GRM5: variants seen among roughly 807,000 people sequenced by gnomAD.
GRM5 encodes metabotropic glutamate receptor 5.
Under a neutral mutation model 83.1 loss-of-function variants are expected in GRM5, and 19 were observed. The observed-to-expected ratio is 0.23, with a 90% CI of 0.16 to 0.34. GRM5 has a LOEUF of 0.34. Ranked by LOEUF, GRM5 falls within the 10% of genes least tolerant of loss-of-function variation. The pLI is 1.00. For synonymous variants in GRM5, 675 were observed against 633.6 expected, an observed-to-expected ratio of 1.07 and a Z score of -0.98; for missense variants, 1,160 against 1,588.3, an observed-to-expected ratio of 0.73 and a Z score of 4.58.
At chr11:88,619,748 G>T (rs995679947) in intron 4 of GRM5, among the ~76,000 whole-genome samples, 2 of 151,998 alleles carry the variant, frequency 1.3e-5, no homozygotes, top group African/African-American at 4.8e-5. Context: ...TCTTATTCTA[G>T]GTACTAAAAT....
chr11:88,688,968 G>A (rs1940712784), intron 3 of GRM5, among the ~76,000 whole-genome samples: 1 of 151,792 alleles, frequency 6.6e-6, no homozygotes, highest in Admixed American at 6.6e-5. Context: ...AATACTAAAA[G>A]CACCCATATA....
chr11:88,782,600 G>T (rs1006433454), intron 3 of GRM5, among the ~76,000 whole-genome samples: 10 of 151,974 alleles, frequency 6.6e-5, no homozygotes, highest in Non-Finnish European at 1.2e-4. Context: ...ATATTTTTTT[G>T]ACATAAACTT....
At position 88,509,080 on chromosome 11, in the gene GRM5, T is replaced by C; in HGVS notation, c.3151A>G (p.Ser1051Gly). The C allele has an allele frequency of 6.4e-7, 1 of 1,551,214 alleles. No individual in the cohort carries two copies. ...SLHSEPVARS[S>G]SSQGSLMEQI... is the part of the protein sequence containing the mutation. ...TCCATGAGGGAGCCCTGCGAGGAGC[T>C]GCTGCGCGCCACAGGCTCCGAGTGC... The change falls in exon 10 of 10, where the codon AGC (serine) becomes GGC (glycine). Residue 1051 changes from serine (S) to glycine (G), a missense_variant. By Grantham distance (56) the Ser-to-Gly change is moderately conservative. Transcript: ENST00000305447.
At chr11:88,780,555 T>G (rs908339806) in intron 3 of GRM5, among the ~76,000 whole-genome samples, 9 of 152,138 alleles carry the variant, frequency 5.9e-5, no homozygotes, top group Non-Finnish European at 1.3e-4. Flanking sequence ...GCTTTACAGA[T>G]AAAAGTAAAT....
At chr11:88,557,751 C>CTTT (rs566146634) in intron 8 of GRM5, among the ~76,000 whole-genome samples, 1 of 136,616 alleles carries the variant, frequency 7.3e-6, no homozygotes, top group South Asian at 2.3e-4. Context: ...CTTAATCATC[C>CTTT]TTTTTTTTTT....
At chr11:88,991,282 AT>A (rs1939958316) in intron 2 of GRM5, among the ~76,000 whole-genome samples, 1 of 152,140 alleles carries the variant, frequency 6.6e-6, no homozygotes, top group Admixed American at 6.5e-5. Context: ...AAGGAATAAA[AT>A]ACCTAGGAAT....
At chr11:88,621,105 T>C (rs1462323869) in intron 4 of GRM5, among the ~76,000 whole-genome samples, 1 of 152,172 alleles carries the variant, frequency 6.6e-6, no homozygotes, top group Admixed American at 6.6e-5. Flanking sequence ...GGTGTGTAAA[T>C]GAAAGAATTC....
At chr11:88,762,952 C>A (rs768149785) in intron 3 of GRM5, among the ~76,000 whole-genome samples, 1 of 151,782 alleles carries the variant, frequency 6.6e-6, no homozygotes, top group Non-Finnish European at 1.5e-5. Context: ...TTCTCAATTA[C>A]AAGTGGGAGC....
intron 8 of GRM5, among the ~76,000 whole-genome samples, chr11:88,555,700 GCAAGGCTAGGCA>G (rs1230758768): frequency 6.6e-6 from 1 of 152,142 alleles, no homozygotes; most frequent in Non-Finnish European, 1.5e-5. Context: ...ATGCCACAGA[GCAAGGCTAGGCA>G]CAAAGCTTAT....
At chr11:88,620,876 A>C (rs1454174476) in intron 4 of GRM5, among the ~76,000 whole-genome samples, 2 of 152,198 alleles carry the variant, frequency 1.3e-5, no homozygotes, top group Non-Finnish European at 2.9e-5. Flanking sequence ...CTGAATGCTC[A>C]TATTGAAATG....
At chr11:88,549,695 G>A (rs1942461060) in intron 8 of GRM5, among the ~76,000 whole-genome samples, 1 of 151,992 alleles carries the variant, frequency 6.6e-6, no homozygotes, top group South Asian at 2.1e-4. Context: ...GGGGCTTGAT[G>A]TAGCAGACTG....
rs1187034270 is a variant in GRM5 at position 88,888,397 on chromosome 11, G to C, written c.662-38242C>G. On this transcript the variant is annotated intron_variant, in intron 2 of 9. Coordinates refer to ENST00000305447, the MANE Select transcript of GRM5 (RefSeq NM_001143831.3). ...AGATAGAGAAAGTGAAGAAACAGGGGAAACACCATTCCCAGCAGGAAGAGA... is the reference window on the plus strand; with the variant it reads ...AGATAGAGAAAGTGAAGAAACAGGGCAAACACCATTCCCAGCAGGAAGAGA... 3.3e-5 allele frequency among the ~76,000 whole-genome samples: 5 copies of C among 152,246 alleles called. No homozygotes were observed. In the South Asian group the frequency reaches 6.2e-4, roughly 19 times the overall value.
At position 89,047,896 on chromosome 11, in the gene GRM5, T is replaced by C; in HGVS notation, c.-24A>G. On this transcript the variant is annotated 5_prime_UTR_variant, in exon 2 of 10. Coordinates refer to ENST00000305447, the MANE Select transcript of GRM5 (RefSeq NM_001143831.3). The surrounding 1 kb of genome is among the most constrained non-coding windows in gnomAD (Gnocchi z 5.1). ...ATTTTAGGAAAGGAGTTCAAGCCAA[T>C]AAAGATAGCATGGTGGGGAAAATTC... 5 of 1,593,172 alleles carry C rather than the reference T, an allele frequency of 3.1e-6. No homozygotes were observed. Among genetic ancestry groups the C allele is most frequent in the Non-Finnish European group, 3.4e-6 (4 of 1,163,238 alleles).
intron 7 of GRM5, among the ~76,000 whole-genome samples, chr11:88,573,818 T>G (rs1288779635): frequency 6.6e-6 from 1 of 152,198 alleles, no homozygotes; most frequent in Non-Finnish European, 1.5e-5. Context: ...CTTCTTTCTT[T>G]ACCTCTCTGG....
intron 4 of GRM5, among the ~76,000 whole-genome samples, chr11:88,617,422 A>G (rs372035658): frequency 1.3e-5 from 2 of 152,294 alleles, no homozygotes; most frequent in East Asian, 1.9e-4. Flanking sequence ...TTTTTCCCCA[A>G]TATCTTCAGA....
intron 3 of GRM5, among the ~76,000 whole-genome samples, chr11:88,813,518 G>A (rs1214526369): frequency 2.6e-5 from 4 of 152,092 alleles, no homozygotes; most frequent in African/African-American, 9.7e-5. Context: ...TCATATGCTT[G>A]AAACATTTTG....
At chr11:88,778,782 AT>A (rs1482443923) in intron 3 of GRM5, among the ~76,000 whole-genome samples, 1 of 152,188 alleles carries the variant, frequency 6.6e-6, no homozygotes, top group Non-Finnish European at 1.5e-5. Flanking sequence ...TGATCTGGAT[AT>A]TTTTAAACAA....
chr11:88,531,833 G>A (rs760722564), intron 8 of GRM5, among the ~76,000 whole-genome samples: 11 of 151,918 alleles, frequency 7.2e-5, no homozygotes, highest in South Asian at 6.2e-4. Flanking sequence ...ATTTTCTTTC[G>A]CCACTTTCTC....
In GRM5 at chr11:88,616,328, G is replaced by A. The variant is rs1368982762; in HGVS notation, c.1148-11364C>T. Reference sequence around the variant, plus strand: ...AAAGAAATGCTGAAACATAACAAGGGGAAGAGAAATAGGATATGAGGCAAG... The same window carrying A: ...AAAGAAATGCTGAAACATAACAAGGAGAAGAGAAATAGGATATGAGGCAAG... On this transcript the variant is annotated intron_variant, in intron 4 of 9. Coordinates refer to ENST00000305447, the MANE Select transcript of GRM5 (RefSeq NM_001143831.3). Among the ~76,000 whole-genome samples the A allele has an allele frequency of 3.3e-5, 5 of 151,280 alleles. No individual in the cohort carries two copies. In the East Asian group the frequency reaches 9.7e-4, roughly 29 times the overall value.
Sources: gnomAD v4.1 joint callset for allele counts (sites outside exome capture counted in the v4.1 genomes callset) on GRCh38, gnomAD v4.1.1 for gene constraint, Gnocchi (gnomAD v3.1) non-coding constraint, MANE v1.5 for transcripts, NCBI Gene and HGNC (gene_info 2026-07-23, HGNC 2026-07-21) for gene names.